The following CCDC125 variants were observed in gnomAD, a reference collection of about 807,000 sequenced individuals.
The protein encoded by CCDC125 is coiled-coil domain-containing protein 125.
CCDC125 carries 43 observed loss-of-function variants against 57.4 expected under a neutral mutation model. The observed-to-expected ratio is 0.75, with a 90% CI of 0.59 to 0.97. The LOEUF (loss-of-function observed/expected upper bound fraction) is 0.97. CCDC125 is among the 50% of genes least tolerant of loss of function. The pLI is 0.00. For synonymous variants in CCDC125, 187 were observed against 195.2 expected (o/e 0.96, Z 0.35); for missense variants, 563 against 595.7 (o/e 0.95, Z 0.57).
In CCDC125 at chr5:69,306,894, AT is replaced by A; in HGVS notation, c.539del (p.Asn180MetfsTer7). 1 of 1,508,346 alleles carries A rather than the reference AT, an allele frequency of 6.6e-7. No homozygotes were observed. Among genetic ancestry groups the A allele is most frequent in the Non-Finnish European group, 8.8e-7 (1 of 1,133,856 alleles). The allele number at this position is 1,508,346 out of a possible 1,614,324, so 93.4% of individuals were successfully genotyped here. On this transcript the variant is annotated frameshift_variant, in exon 6 of 12. Transcript: ENST00000396496. LOFTEE classifies it high-confidence loss of function. ...CAAATTCTATTTCCCACTGCAAGGC[AT>A]TTATTTCCTATGGAAAGAAAATAGT... Reference protein sequence around the residue: ...EQNRSLEKEINALQWEIEFDH... With the variant: ...EQNRSLEKEIXALQWEIEFDH...
chr5:69,327,069 G>C (rs1164098157), intron 1 of CCDC125, among the ~76,000 whole-genome samples: 1 of 150,288 alleles, frequency 6.7e-6, no homozygotes, highest in African/African-American at 2.4e-5. Context: ...GTAACTTCAG[G>C]GACTGCTGAC....
chr5:69,286,187 ACTATAT>A (rs1561402101), intron 10 of CCDC125, among the ~76,000 whole-genome samples: 2 of 53,962 alleles, frequency 3.7e-5, no homozygotes, highest in South Asian at 6.2e-4. Context: ...CAAATGGTAA[ACTATAT>A]ATATATATAT....
At chr5:69,292,457 C>T in intron 9 of CCDC125, 95 bp from the exon 10 acceptor site, 1 of 869,370 alleles carries the variant, frequency 1.2e-6, no homozygotes, top group Non-Finnish European at 1.8e-6. Flanking sequence ...ATCTCACTGC[C>T]TAGCACTGGT....
chr5:69,285,063 C>A (rs1322227002), intron 11 of CCDC125, among the ~76,000 whole-genome samples: 2 of 152,086 alleles, frequency 1.3e-5, no homozygotes, highest in Non-Finnish European at 2.9e-5. Context: ...CGCCGCTGCA[C>A]TCCAGCCTGG....
chr5:69,327,810 CT>C (rs1760923189), intron 1 of CCDC125, among the ~76,000 whole-genome samples: 1 of 152,152 alleles, frequency 6.6e-6, no homozygotes, highest in Non-Finnish European at 1.5e-5. Flanking sequence ...ATTTAGGGGA[CT>C]AGATTTTTGG....
intron 1 of CCDC125, among the ~76,000 whole-genome samples, chr5:69,321,514 T>C (rs1164639622): frequency 2.6e-5 from 4 of 152,234 alleles, no homozygotes; most frequent in African/African-American, 4.8e-5. Context: ...GTAGAGCCTA[T>C]AGTTCCTAGT....
chr5:69,320,246 T>C lies in CCDC125; in HGVS notation c.295A>G (p.Ser99Gly). Residue 99 changes from serine to glycine, a missense_variant, in exon 2 of 12, where the codon AGT becomes GGT. Transcript: ENST00000396496. ...AATTCAGCATTCTTACCAGTGCTAC[T>C]TTGTCGTCTGTAATTGGAAATTCTG... Reference protein sequence around the residue: ...VSRISNYRRQSSTVDSNSELS... With the variant: ...VSRISNYRRQGSTVDSNSELS... 6.2e-7 allele frequency: 1 copy of C among 1,613,304 alleles called. No homozygotes were observed. The highest frequency in any genetic ancestry group is 8.5e-7 in the Non-Finnish European group (1 of 1,179,544).
chr5:69,299,061 A>G (rs1755886004), intron 8 of CCDC125, among the ~76,000 whole-genome samples: 1 of 151,756 alleles, frequency 6.6e-6, no homozygotes, highest in Non-Finnish European at 1.5e-5. Context: ...GCTCAGGACT[A>G]TGCAGGTATT....
rs762626240 is a variant in CCDC125, at chr5:69,292,312, AGCATCTGCCATCAC to A, written c.961_974del (p.Val321PhefsTer6). On this transcript the variant is annotated frameshift_variant, in exon 10 of 12. Transcript: ENST00000396496. LOFTEE classifies it high-confidence loss of function. ...ATTGTTGCTCAAATGCAATTCTGAA[AGCATCTGCCATCAC>A]GTAAGCTTCTTCTTTACTCTTCTGC... The A allele has an allele frequency of 6.2e-7, 1 of 1,613,896 alleles. No homozygotes were observed. Among genetic ancestry groups the A allele is most frequent in the Admixed American group, 1.7e-5 (1 of 60,006 alleles).
chr5:69,306,495 C>A (rs1757351643), intron 6 of CCDC125, among the ~76,000 whole-genome samples: 1 of 151,966 alleles, frequency 6.6e-6, no homozygotes, highest in African/African-American at 2.4e-5. Flanking sequence ...CACCCAGTTA[C>A]TTTTTGTATT....
intron 4 of CCDC125, chr5:69,308,798 A>C (rs1350662118): frequency 1.3e-5 from 2 of 158,598 alleles, no homozygotes; most frequent in Non-Finnish European, 1.4e-5. Context: ...AAAGATTGGA[A>C]CTTTCTAGAG....
intron 5 of CCDC125, 35 bp from the exon 6 acceptor site, chr5:69,306,937 A>C: frequency 6.8e-7 from 1 of 1,460,928 alleles, no homozygotes; most frequent in Non-Finnish European, 9.0e-7. Flanking sequence ...ATGGCAAATT[A>C]CTACAAATAA....
In CCDC125 at chr5:69,292,294, CT is replaced by C; in HGVS notation, c.992del (p.Glu331GlyfsTer4). Reference sequence around the variant, plus strand: ...GGTCATTTTTTCTCATTAATTGTTGCTCAAATGCAATTCTGAAAGCATCTGC... The same window carrying C: ...GGTCATTTTTTCTCATTAATTGTTGCCAAATGCAATTCTGAAAGCATCTGC... ...VMADAFRIAFEQQLMRKNDQA... is the reference protein window; with the variant it reads ...VMADAFRIAFXQQLMRKNDQA... On this transcript the variant is annotated frameshift_variant, in exon 10 of 12. Coordinates refer to ENST00000396496, the MANE Select transcript of CCDC125 (RefSeq NM_176816.5). LOFTEE classifies it high-confidence loss of function. The C allele has an allele frequency of 6.2e-7, 1 of 1,613,660 alleles. No homozygotes were observed. The highest frequency in any genetic ancestry group is 8.5e-7 in the Non-Finnish European group (1 of 1,179,788).
chr5:69,331,234 G>A (rs1436958671), intron 1 of CCDC125, among the ~76,000 whole-genome samples: 3 of 151,940 alleles, frequency 2.0e-5, no homozygotes, highest in Admixed American at 6.5e-5. Flanking sequence ...CTTGGGAGGT[G>A]GAGGTTCCAG....
chr5:69,303,348 CA>C (rs1756804313), intron 7 of CCDC125, among the ~76,000 whole-genome samples: 1 of 145,688 alleles, frequency 6.9e-6, no homozygotes, highest in South Asian at 2.2e-4. Flanking sequence ...CTGTGCCTGG[CA>C]AGAATTGTTC....
chr5:69,275,479 A>C (rs1158109595), downstream of CCDC125, among the ~76,000 whole-genome samples: 1 of 152,192 alleles, frequency 6.6e-6, no homozygotes, highest in Non-Finnish European at 1.5e-5. Context: ...GAAATGTACA[A>C]TATTTCACTA....
intron 9 of CCDC125, among the ~76,000 whole-genome samples, chr5:69,294,572 C>T (rs950347442): frequency 2.6e-5 from 4 of 152,162 alleles, no homozygotes; most frequent in Admixed American, 6.6e-5. Context: ...GGATTACAGG[C>T]GTGAGCCACC....
intron 9 of CCDC125, among the ~76,000 whole-genome samples, chr5:69,292,595 T>A (rs771835148): frequency 5.3e-5 from 8 of 152,134 alleles, no homozygotes; most frequent in Non-Finnish European, 8.8e-5. Flanking sequence ...CCTGCTAACC[T>A]AACCCCTGGA....
chr5:69,319,752 A>G (rs1759721838), intron 2 of CCDC125, among the ~76,000 whole-genome samples: 1 of 151,776 alleles, frequency 6.6e-6, no homozygotes, highest in Non-Finnish European at 1.5e-5. Flanking sequence ...AAGTGCTGGG[A>G]TTACAGGCGT....
Sources: allele counts gnomAD v4.1 joint callset (sites outside exome capture counted in the v4.1 genomes callset), GRCh38; gene constraint gnomAD v4.1.1; transcripts MANE v1.5; gene names NCBI Gene and HGNC (gene_info 2026-07-23, HGNC 2026-07-21).